The following PCDHA2 variants were observed in gnomAD, a reference collection of about 807,000 sequenced individuals.
The protein encoded by PCDHA2 is protocadherin alpha-2.
Under a neutral mutation model 66.0 loss-of-function variants are expected in PCDHA2, and 58 were observed. The observed-to-expected ratio is 0.88, with a 90% confidence interval of 0.71 to 1.09. The LOEUF is 1.09. PCDHA2 is among the 50% of genes least tolerant of loss of function. The probability of loss-of-function intolerance (pLI) is 0.00; values close to 1 mark genes in which losing one functional copy is unlikely to be tolerated. For synonymous variants in PCDHA2, 634 were observed against 554.0 expected (o/e 1.14, Z -2.03); for missense variants, 1,267 against 1,242.3 (o/e 1.02, Z -0.30).
chr5:140,963,177 T>A (rs1002604435), intron 1 of PCDHA2, among the ~76,000 whole-genome samples: 1 of 152,194 alleles, frequency 6.6e-6, no homozygotes, highest in East Asian at 1.9e-4. Flanking sequence ...CTTACAGATA[T>A]GCTGTAGACT....
chr5:141,003,714 C>T (rs781976885), intron 3 of PCDHA2, among the ~76,000 whole-genome samples: 17 of 152,266 alleles, frequency 1.1e-4, no homozygotes, highest in South Asian at 2.1e-4. Flanking sequence ...GTGAAGATAT[C>T]GGCTAATCCA....
At chr5:140,810,776 T>C (rs924462330) in intron 1 of PCDHA2, 2 of 152,156 alleles carry the variant, frequency 1.3e-5, no homozygotes, top group African/African-American at 4.8e-5. Flanking sequence ...CTTTTTTTAG[T>C]AGTTTTCAAC....
chr5:140,866,796 G>T (rs1360079320), intron 1 of PCDHA2: 1 of 152,128 alleles, frequency 6.6e-6, no homozygotes, highest in African/African-American at 2.4e-5. Flanking sequence ...TATAGTAAAA[G>T]TCAGGCACAA....
intron 1 of PCDHA2, chr5:140,803,201 G>T: frequency 6.2e-7 from 1 of 1,613,896 alleles, no homozygotes. Flanking sequence ...TGCTGGTGTC[G>T]CTGGTGGAGA....
intron 1 of PCDHA2, chr5:140,884,779 G>C: frequency 1.4e-6 from 2 of 1,404,226 alleles, no homozygotes; most frequent in Non-Finnish European, 1.9e-6. Context: ...TTTTAATTTT[G>C]CTAGTTGTTA....
intron 1 of PCDHA2, among the ~76,000 whole-genome samples, chr5:140,833,473 A>T (rs1772481648): frequency 6.6e-6 from 1 of 152,222 alleles, no homozygotes; most frequent in African/African-American, 2.4e-5. Context: ...ATTTTAAAAG[A>T]AATAATACAA....
At chr5:140,807,103 C>A in intron 1 of PCDHA2, 1 of 1,432,858 alleles carries the variant, frequency 7.0e-7, no homozygotes, top group Non-Finnish European at 9.5e-7. Context: ...ATGGAGGATG[C>A]AGCTGCACTT....
intron 1 of PCDHA2, among the ~76,000 whole-genome samples, chr5:140,839,564 A>G (rs1022295415): frequency 3.3e-5 from 5 of 151,854 alleles, no homozygotes; most frequent in African/African-American, 9.7e-5. Flanking sequence ...TAATTTTTGT[A>G]TTTTTTGTAG....
intron 1 of PCDHA2, chr5:140,926,823 G>C (rs1454618329): frequency 6.7e-7 from 1 of 1,496,998 alleles, no homozygotes; most frequent in Non-Finnish European, 8.9e-7. Context: ...TGCTCTCCAG[G>C]AGTCCGGAGC....
chr5:140,897,080 A>AT lies in PCDHA2; in HGVS notation c.2389-81863dup, dbSNP rs201233181. The stretch of plus-strand genomic sequence containing the variant: ...ATACTATGTCTTATTCATTTTTTCT[A>AT]TTTTTTATCCTCATTAAAAATCTCC... On this transcript the variant is annotated intron_variant, in intron 1 of 3. Transcript: ENST00000526136. 8.0e-3 allele frequency among the ~76,000 whole-genome samples: 1,212 copies of AT among 152,020 alleles called. 6 individuals carry two copies. Among genetic ancestry groups the AT allele is most frequent in the African/African-American group, 0.019 (783 of 41,452 alleles).
At chr5:140,988,468 A>G (rs1184589294) in intron 3 of PCDHA2, among the ~76,000 whole-genome samples, 1 of 152,186 alleles carries the variant, frequency 6.6e-6, no homozygotes, top group African/African-American at 2.4e-5. Flanking sequence ...GGGTGTGGGA[A>G]GGGGAATTAG....
At chr5:140,822,099 C>A in intron 1 of PCDHA2, 1 of 1,614,206 alleles carries the variant, frequency 6.2e-7, no homozygotes, top group Non-Finnish European at 8.5e-7. Context: ...TGGAGGTGAT[C>A]GTGGACAGGC....
chr5:140,839,264 A>G (rs1213155115), intron 1 of PCDHA2, among the ~76,000 whole-genome samples: 2 of 152,102 alleles, frequency 1.3e-5, no homozygotes, highest in African/African-American at 4.8e-5. Context: ...ACATGCATGT[A>G]TATTTAAAAC....
At chr5:140,870,338 T>C in intron 1 of PCDHA2, 1 of 1,614,186 alleles carries the variant, frequency 6.2e-7, no homozygotes, top group Non-Finnish European at 8.5e-7. Context: ...GACAGCGCCC[T>C]GGACCGCGAG....
At chr5:140,799,305 A>G (rs1762414398) in intron 1 of PCDHA2, among the ~76,000 whole-genome samples, 1 of 152,140 alleles carries the variant, frequency 6.6e-6, no homozygotes, top group African/African-American at 2.4e-5. Flanking sequence ...TGCAATTAGT[A>G]TAACTCTTAA....
chr5:140,839,351 T>C (rs1465264211), intron 1 of PCDHA2, among the ~76,000 whole-genome samples: 3 of 147,262 alleles, frequency 2.0e-5, no homozygotes, highest in Non-Finnish European at 4.5e-5. Context: ...GGATCCTCCT[T>C]AGCCACCTAA....
chr5:140,987,936 T>C lies in PCDHA2; in HGVS notation c.2536+5373T>C, dbSNP rs80117115. Among the ~76,000 whole-genome samples the C allele has an allele frequency of 7.9e-3, 1,205 of 152,348 alleles. 20 individuals are homozygous for C. Among genetic ancestry groups the C allele is most frequent in the African/African-American group, 0.027 (1,136 of 41,570 alleles). On this transcript the variant is annotated intron_variant, in intron 3 of 3. Coordinates refer to ENST00000526136, the MANE Select transcript of PCDHA2 (RefSeq NM_018905.3). ...TATTCTTAATTGTCTCAAGGATTCT[T>C]ACCTGTCTGACAAAACCAACTCCCC...
intron 1 of PCDHA2, chr5:140,863,284 G>A (rs1554158061): frequency 1.4e-6 from 2 of 1,461,880 alleles, no homozygotes; most frequent in Non-Finnish European, 1.9e-6. Flanking sequence ...GGATGTCAAC[G>A]TGTACCTGAT....
chr5:140,883,484 T>C, intron 1 of PCDHA2: 1 of 1,614,066 alleles, frequency 6.2e-7, no homozygotes, highest in Non-Finnish European at 8.5e-7. Flanking sequence ...GAACTACTAC[T>C]CATTAGTGCT....
Sources: gnomAD v4.1 joint callset for allele counts (sites outside exome capture counted in the v4.1 genomes callset) on GRCh38, gnomAD v4.1.1 for gene constraint, MANE v1.5 for transcripts, NCBI Gene and HGNC (gene_info 2026-07-23, HGNC 2026-07-21) for gene names.